The following RBMS3 variants were observed in gnomAD, a reference collection of about 807,000 sequenced individuals.
RBMS3 encodes the protein RNA binding motif single stranded interacting protein 3, also known as RNA-binding motif, single-stranded-interacting protein 3.
Under a neutral mutation model 66.8 loss-of-function variants are expected in RBMS3, and 27 were observed. The observed-to-expected ratio is 0.40, with a 90% confidence interval of 0.30 to 0.56. The LOEUF (loss-of-function observed/expected upper bound fraction) is 0.56, where lower values mean the gene tolerates loss of function less well. RBMS3 is among the 20% of genes least tolerant of loss of function. The probability of loss-of-function intolerance (pLI) is 0.40; values close to 1 mark genes in which losing one functional copy is unlikely to be tolerated. For synonymous variants in RBMS3, 188 were observed against 183.0 expected, an observed-to-expected ratio of 1.03 and a Z score of -0.22; for missense variants, 513 against 549.5, an observed-to-expected ratio of 0.93 and a Z score of 0.66.
intron 4 of RBMS3, among the ~76,000 whole-genome samples, chr3:29,588,191 A>G (rs896026343): frequency 1.3e-5 from 2 of 152,094 alleles, no homozygotes; most frequent in Non-Finnish European, 2.9e-5. Flanking sequence ...CTTTAAAATG[A>G]TGGCCATTTA....
chr3:29,998,412 CTACTT>C (rs1559877854), intron 14 of RBMS3, among the ~76,000 whole-genome samples: 4 of 151,764 alleles, frequency 2.6e-5, no homozygotes, highest in African/African-American at 7.3e-5. Flanking sequence ...TTGGAAAAAA[CTACTT>C]TAAAGTTCAT....
intron 1 of RBMS3, among the ~76,000 whole-genome samples, chr3:29,406,762 C>A (rs2040032906): frequency 6.6e-6 from 1 of 152,034 alleles, no homozygotes; most frequent in African/African-American, 2.4e-5. Context: ...TACTTTTTTT[C>A]ATTAAACTAA....
intron 6 of RBMS3, among the ~76,000 whole-genome samples, chr3:29,848,766 G>A (rs548415423): frequency 6.4e-4 from 97 of 152,140 alleles, no homozygotes; most frequent in Non-Finnish European, 7.6e-4. Flanking sequence ...AGGGATGATT[G>A]AGCAGGTTTT....
At chr3:29,369,897 T>G (rs1196022527) in intron 1 of RBMS3, among the ~76,000 whole-genome samples, 1 of 152,194 alleles carries the variant, frequency 6.6e-6, no homozygotes, top group Non-Finnish European at 1.5e-5. Context: ...AGAAGCAGCT[T>G]TGTCTGAAAC....
At chr3:29,397,741 A>C (rs552874089) in intron 1 of RBMS3, among the ~76,000 whole-genome samples, 1 of 151,928 alleles carries the variant, frequency 6.6e-6, no homozygotes, top group South Asian at 2.1e-4. Flanking sequence ...TTGAGATGAG[A>C]TCTTTCTGTG....
At chr3:29,964,557 T>G (rs553053286) in intron 12 of RBMS3, among the ~76,000 whole-genome samples, 1 of 152,292 alleles carries the variant, frequency 6.6e-6, no homozygotes, top group African/African-American at 2.4e-5. Flanking sequence ...ACTTTATACC[T>G]CTGGAGGCTA....
At chr3:29,414,834 G>A (rs573711445) in intron 1 of RBMS3, among the ~76,000 whole-genome samples, 3 of 152,278 alleles carry the variant, frequency 2.0e-5, no homozygotes, top group South Asian at 2.1e-4. Flanking sequence ...AATATGCCAC[G>A]TTTAGGGCAC....
At chr3:29,386,055 C>T (rs2038995140) in intron 1 of RBMS3, among the ~76,000 whole-genome samples, 1 of 152,152 alleles carries the variant, frequency 6.6e-6, no homozygotes, top group African/African-American at 2.4e-5. Flanking sequence ...TATACCGTTG[C>T]TTATATAAAC....
intron 12 of RBMS3, among the ~76,000 whole-genome samples, chr3:29,981,534 T>A (rs1050116710): frequency 6.6e-6 from 1 of 152,178 alleles, no homozygotes; most frequent in Non-Finnish European, 1.5e-5. Flanking sequence ...GCTTCCAGCT[T>A]TTGCCCATTC....
In RBMS3 at chr3:29,781,895, C is replaced by G. The variant is rs1362924418; in HGVS notation, c.637+18906C>G. 2.6e-5 allele frequency among the ~76,000 whole-genome samples: 4 copies of G among 152,114 alleles called. No individual in the cohort carries two copies. The East Asian group carries it at 7.8e-4, about 29-fold the overall frequency. On this transcript the variant is annotated intron_variant, in intron 6 of 14. Coordinates refer to ENST00000383767, the MANE Select transcript of RBMS3 (RefSeq NM_001003793.3). ...CCCACTTCCCTGGTGACCTGTATGG[C>G]TCAGCATAGGCAGCCACAATCCCCC... is the stretch of plus-strand genomic sequence containing the variant.
At chr3:29,424,579 T>A (rs1002322193) in intron 1 of RBMS3, among the ~76,000 whole-genome samples, 1 of 152,202 alleles carries the variant, frequency 6.6e-6, no homozygotes, top group Non-Finnish European at 1.5e-5. Flanking sequence ...TTGTATATGC[T>A]ATTTGCACTA....
chr3:29,585,652 T>G (rs1278642493), intron 3 of RBMS3, among the ~76,000 whole-genome samples: 1 of 152,150 alleles, frequency 6.6e-6, no homozygotes, highest in Non-Finnish European at 1.5e-5. Context: ...ATTATAGTTT[T>G]GCTTTCTTCT....
chr3:29,847,777 T>A (rs2058822264), intron 6 of RBMS3, among the ~76,000 whole-genome samples: 1 of 152,084 alleles, frequency 6.6e-6, no homozygotes, highest in Non-Finnish European at 1.5e-5. Flanking sequence ...TGCCTCAGCC[T>A]CCCAAGTAGC....
intron 1 of RBMS3, among the ~76,000 whole-genome samples, chr3:29,334,261 A>T (rs73058213): frequency 0.095 from 14,452 of 152,274 alleles, 894 homozygotes; most frequent in Non-Finnish European, 0.14. Flanking sequence ...TGCAATACAC[A>T]TATAACTTAG....
At chr3:29,730,860 T>C (rs1324995296) in intron 4 of RBMS3, 6 of 982,410 alleles carry the variant, frequency 6.1e-6, no homozygotes, top group Non-Finnish European at 7.3e-6. Context: ...CTCAATATTG[T>C]AAAATGTTAA....
At chr3:29,458,854 G>A (rs2042280110) in intron 2 of RBMS3, among the ~76,000 whole-genome samples, 1 of 152,172 alleles carries the variant, frequency 6.6e-6, no homozygotes, top group Admixed American at 6.5e-5. Context: ...CCACCACACT[G>A]TCAGCTAAGC....
intron 1 of RBMS3, among the ~76,000 whole-genome samples, chr3:29,363,174 A>G (rs1035373944): frequency 1.3e-5 from 2 of 152,152 alleles, no homozygotes; most frequent in African/African-American, 4.8e-5. Context: ...GCCTTATTAC[A>G]ATCCTTCAGG....
chr3:29,436,666 A>T (rs1231065661), intron 2 of RBMS3, among the ~76,000 whole-genome samples: 1 of 152,212 alleles, frequency 6.6e-6, no homozygotes, highest in Non-Finnish European at 1.5e-5. Flanking sequence ...TATTGTTCTT[A>T]ATTTATATTT....
At chr3:29,486,294 G>A (rs1229352305) in intron 2 of RBMS3, among the ~76,000 whole-genome samples, 2 of 152,104 alleles carry the variant, frequency 1.3e-5, no homozygotes, top group South Asian at 2.1e-4. Flanking sequence ...GCATATCCTA[G>A]CTTTGCAAAT....
Sources: gnomAD v4.1 joint callset for allele counts (sites outside exome capture counted in the v4.1 genomes callset) on GRCh38, gnomAD v4.1.1 for gene constraint, MANE v1.5 for transcripts, NCBI Gene and HGNC (gene_info 2026-07-23, HGNC 2026-07-21) for gene names.